Variants in NBEA observed in about 807,000 individuals in gnomAD.
The protein encoded by NBEA is neurobeachin.
NBEA carries 44 observed loss-of-function variants against 343.4 expected under a neutral mutation model. That is an observed-to-expected ratio of 0.13 (90% CI 0.10 to 0.16). NBEA has a LOEUF of 0.16. Ranked by LOEUF, NBEA falls within the 10% of genes least tolerant of loss-of-function variation. NBEA has a pLI of 1.00. For synonymous variants in NBEA, 1,175 were observed against 1,238.7 expected (o/e 0.95, Z 1.08); for missense variants, 2,555 against 3,631.3 (o/e 0.70, Z 7.62).
intron 27 of NBEA, among the ~76,000 whole-genome samples, chr13:35,175,499 A>G (rs1477663988): frequency 2.0e-5 from 3 of 152,204 alleles, no homozygotes; most frequent in Non-Finnish European, 4.4e-5. Context: ...AATAAAGTAG[A>G]TAATAGAAAG....
intron 39 of NBEA, among the ~76,000 whole-genome samples, chr13:35,443,231 A>G (rs1019732880): frequency 2.6e-5 from 4 of 152,054 alleles, no homozygotes; most frequent in Non-Finnish European, 5.9e-5. Context: ...GTAGTTTAAA[A>G]CAAAAGTCTG....
At chr13:35,526,231 T>A (rs1287677593) in intron 41 of NBEA, among the ~76,000 whole-genome samples, 1 of 152,244 alleles carries the variant, frequency 6.6e-6, no homozygotes, top group Non-Finnish European at 1.5e-5. Flanking sequence ...TAAATTATTT[T>A]GCTATGAAAC....
At position 35,296,483 on chromosome 13, in the gene NBEA, T is replaced by TA. The variant is rs2036140905; in HGVS notation, c.5838+6034dup. ...GAGGGAAAAAAGAAATCAATAACCC[T>TA]AGGCCATCTGCAGGATCATTTTTAA... On this transcript the variant is annotated intron_variant, in intron 35 of 58. Transcript: ENST00000379939. 3.3e-5 allele frequency among the ~76,000 whole-genome samples: 5 copies of TA among 151,922 alleles called. No individual in the cohort carries two copies. The South Asian group carries it at 8.3e-4, about 25-fold the overall frequency.
chr13:35,125,824 GCATA>G (rs148274320), intron 17 of NBEA, among the ~76,000 whole-genome samples: 8,291 of 151,356 alleles, frequency 0.055, 259 homozygotes, highest in Non-Finnish European at 0.064. Flanking sequence ...ATAAACAAAT[GCATA>G]CATACATACA....
chr13:35,154,841 A>C (rs577651791), intron 18 of NBEA, among the ~76,000 whole-genome samples: 1 of 152,256 alleles, frequency 6.6e-6, no homozygotes, highest in South Asian at 2.1e-4. Context: ...TTACTGAAGT[A>C]GGGGCCAGAT....
chr13:35,088,309 A>G (rs2064878556), intron 10 of NBEA, among the ~76,000 whole-genome samples: 1 of 151,914 alleles, frequency 6.6e-6, no homozygotes, highest in African/African-American at 2.4e-5. Flanking sequence ...AGGAAAACTC[A>G]ATATAGGGAC....
chr13:35,367,202 T>C (rs2041168911), intron 38 of NBEA, among the ~76,000 whole-genome samples: 1 of 151,428 alleles, frequency 6.6e-6, no homozygotes, highest in African/African-American at 2.4e-5. Context: ...ATAAGCATTT[T>C]TAGTAGCTAC....
At chr13:35,460,168 A>G (rs1047980276) in intron 40 of NBEA, among the ~76,000 whole-genome samples, 13 of 152,248 alleles carry the variant, frequency 8.5e-5, no homozygotes, top group African/African-American at 2.7e-4. Flanking sequence ...CGTTTTGCTC[A>G]GAATTTTCCC....
chr13:35,451,590 G>T (rs117001556), intron 39 of NBEA, among the ~76,000 whole-genome samples: 4,556 of 152,236 alleles, frequency 0.03, 107 homozygotes, highest in Non-Finnish European at 0.045. Context: ...CCCCTCACAT[G>T]TGAATGGTTT....
intron 39 of NBEA, among the ~76,000 whole-genome samples, chr13:35,446,481 G>A (rs1193719046): frequency 6.6e-6 from 1 of 152,086 alleles, no homozygotes; most frequent in African/African-American, 2.4e-5. Flanking sequence ...AGCACCTGTT[G>A]TTTCTAAGAT....
At chr13:35,031,097 C>A (rs1456179262) in intron 1 of NBEA, among the ~76,000 whole-genome samples, 1 of 151,648 alleles carries the variant, frequency 6.6e-6, no homozygotes, top group African/African-American at 2.4e-5. Context: ...CAAGTGTATA[C>A]CCTTTATTCT....
chr13:35,484,806 G>T (rs915366376), intron 41 of NBEA, among the ~76,000 whole-genome samples: 2 of 151,858 alleles, frequency 1.3e-5, no homozygotes, highest in South Asian at 4.1e-4. Flanking sequence ...AGTTTTATTT[G>T]TGGAAAACTA....
intron 39 of NBEA, among the ~76,000 whole-genome samples, chr13:35,445,782 T>TTTTA (rs1163490394): frequency 8.8e-6 from 1 of 113,270 alleles, no homozygotes; most frequent in African/African-American, 3.4e-5. Context: ...ATATAAATGT[T>TTTTA]TATATATATA....
chr13:35,452,055 A>G (rs758296867), intron 39 of NBEA, 37 bp from the exon 40 acceptor site: 15 of 1,503,402 alleles, frequency 1.0e-5, no homozygotes, highest in Non-Finnish European at 1.3e-5. Flanking sequence ...AGAAACAATC[A>G]TAATAACCTA....
intron 41 of NBEA, among the ~76,000 whole-genome samples, chr13:35,490,751 C>G (rs958912402): frequency 6.9e-6 from 1 of 145,866 alleles, no homozygotes; most frequent in Non-Finnish European, 1.5e-5. Context: ...ACTGTATGTA[C>G]CTTCATCTTC....
chr13:35,129,039 A>G (rs1244758481), intron 17 of NBEA, among the ~76,000 whole-genome samples: 1 of 125,998 alleles, frequency 7.9e-6, no homozygotes, highest in Non-Finnish European at 1.6e-5. Context: ...GAATTGAACA[A>G]TGTGTGTGAT....
In NBEA at chr13:35,031,862, A is replaced by G. The variant is rs149448275; in HGVS notation, c.295-9071A>G. ...TCCTTCTTTATGTTAGTAAGTTTTC[A>G]TTATTTAGCTCCCACTTATAAGTGA... is the stretch of plus-strand genomic sequence containing the variant. On this transcript the variant is annotated intron_variant, in intron 1 of 58. Transcript: ENST00000379939. 8.9e-3 allele frequency among the ~76,000 whole-genome samples: 1,344 copies of G among 151,704 alleles called. 10 individuals are homozygous for G. Among genetic ancestry groups the G allele is most frequent in the Middle Eastern group, 0.02 (6 of 294 alleles).
intron 49 of NBEA, among the ~76,000 whole-genome samples, chr13:35,637,253 C>A (rs984698527): frequency 2.0e-5 from 3 of 152,154 alleles, no homozygotes; most frequent in Non-Finnish European, 4.4e-5. Flanking sequence ...GATACCACCT[C>A]ACACCCATTA....
intron 34 of NBEA, among the ~76,000 whole-genome samples, chr13:35,280,971 T>A (rs1352496560): frequency 6.6e-6 from 1 of 152,106 alleles, no homozygotes; most frequent in Non-Finnish European, 1.5e-5. Context: ...ACGAAGTGAC[T>A]CACATACTGA....
Sources: allele counts gnomAD v4.1 joint callset (sites outside exome capture counted in the v4.1 genomes callset), GRCh38; gene constraint gnomAD v4.1.1; transcripts MANE v1.5; gene names NCBI Gene and HGNC (gene_info 2026-07-23, HGNC 2026-07-21).